Variants in HSD11B1 observed in about 807,000 individuals in gnomAD.
HSD11B1 encodes the protein 11-beta-hydroxysteroid dehydrogenase 1.
HSD11B1 carries 15 observed loss-of-function variants against 22.1 expected under a neutral mutation model. The observed-to-expected ratio is 0.68, with a 90% confidence interval of 0.45 to 1.04. The LOEUF (loss-of-function observed/expected upper bound fraction) is 1.04. Ranked by LOEUF, HSD11B1 falls within the 50% of genes least tolerant of loss-of-function variation. HSD11B1 has a pLI of 0.00. For missense variants in HSD11B1, 281 were observed against 357.6 expected (o/e 0.79, Z 1.73); for synonymous variants, 122 against 125.2 (o/e 0.97, Z 0.17).
At chr1:209,729,156 C>G (rs1159057192) in intron 4 of HSD11B1, among the ~76,000 whole-genome samples, 1 of 152,070 alleles carries the variant, frequency 6.6e-6, no homozygotes. Context: ...ATCAGGAGTT[C>G]AAGACCAGCC....
upstream of HSD11B1, among the ~76,000 whole-genome samples, chr1:209,704,296 A>AT (rs748276418): frequency 2.0e-5 from 3 of 151,970 alleles, no homozygotes; most frequent in Non-Finnish European, 4.4e-5. Context: ...CTGGCTTGCA[A>AT]TTTCTCCTTT....
intron 4 of HSD11B1, among the ~76,000 whole-genome samples, chr1:209,713,002 T>A (rs1183932452): frequency 6.6e-6 from 1 of 152,026 alleles, no homozygotes; most frequent in Non-Finnish European, 1.5e-5. Context: ...TGAGCCGAGA[T>A]CGCACCACTG....
At chr1:209,714,543 G>A (rs536789886) in intron 4 of HSD11B1, among the ~76,000 whole-genome samples, 1 of 152,280 alleles carries the variant, frequency 6.6e-6, no homozygotes, top group South Asian at 2.1e-4. Context: ...TCCTTAAACT[G>A]TGTTGGAGAC....
At chr1:209,711,929 C>T (rs1020260236) in intron 4 of HSD11B1, among the ~76,000 whole-genome samples, 1 of 152,088 alleles carries the variant, frequency 6.6e-6, no homozygotes, top group African/African-American at 2.4e-5. Context: ...TAATATAATG[C>T]TACCCGTAAT....
intron 4 of HSD11B1, among the ~76,000 whole-genome samples, chr1:209,711,032 C>T (rs1391779841): frequency 1.3e-5 from 2 of 152,172 alleles, no homozygotes; most frequent in African/African-American, 4.8e-5. Flanking sequence ...AGACAGTGCT[C>T]TGTGGGAAAA....
chr1:209,713,742 T>TA (rs758519044), intron 4 of HSD11B1, among the ~76,000 whole-genome samples: 1 of 152,332 alleles, frequency 6.6e-6, no homozygotes, highest in Non-Finnish European at 1.5e-5. Context: ...AAATGCTATG[T>TA]AAATAGCTGT....
intron 2 of HSD11B1, 57 bp downstream of exon 2, chr1:209,705,998 T>C (rs767757216): frequency 1.2e-6 from 2 of 1,605,216 alleles, no homozygotes; most frequent in South Asian, 1.1e-5. Context: ...TGTGTTCTTA[T>C]ATATGCTCAC....
At chr1:209,729,207 A>C (rs1397353247) in intron 4 of HSD11B1, among the ~76,000 whole-genome samples, 1 of 152,080 alleles carries the variant, frequency 6.6e-6, no homozygotes, top group Non-Finnish European at 1.5e-5. Flanking sequence ...AAAAATACAA[A>C]AATTAGCCAG....
rs562906692 is a variant in HSD11B1, at chr1:209,721,910, G to A, written c.518-10526G>A. 1.6e-4 allele frequency among the ~76,000 whole-genome samples: 25 copies of A among 152,244 alleles called. 1 individual carries two copies. The South Asian group carries it at 3.9e-3, about 24-fold the overall frequency. On this transcript the variant is annotated intron_variant, in intron 4 of 5. Transcript: ENST00000367027. ...TCAAATTCCAGTCCCTGAACTCCAG[G>A]GGACATATTAAAAGTTCTCCAAATA... is the stretch of plus-strand genomic sequence containing the variant.
At chr1:209,689,665 C>G (rs1159071580) in intron 1 of HSD11B1, among the ~76,000 whole-genome samples, 2 of 152,188 alleles carry the variant, frequency 1.3e-5, no homozygotes, top group Non-Finnish European at 2.9e-5. Context: ...CCCTCCCACC[C>G]CTCTCTTGCC....
At chr1:209,728,084 A>T (rs1277972889) in intron 4 of HSD11B1, among the ~76,000 whole-genome samples, 1 of 152,234 alleles carries the variant, frequency 6.6e-6, no homozygotes, top group East Asian at 1.9e-4. Context: ...CATTTCTAGT[A>T]CACTGTAGCT....
intron 4 of HSD11B1, among the ~76,000 whole-genome samples, chr1:209,722,994 G>A (rs1445030884): frequency 2.0e-5 from 3 of 152,144 alleles, no homozygotes; most frequent in Non-Finnish European, 4.4e-5. Context: ...TCAGTGCATG[G>A]CTTCTTTGCC....
intron 1 of HSD11B1, among the ~76,000 whole-genome samples, chr1:209,687,330 C>T (rs1289104915): frequency 4.6e-5 from 7 of 152,070 alleles, no homozygotes; most frequent in Non-Finnish European, 7.3e-5. Context: ...TCATCAGAGT[C>T]GGAAGCTGAA....
chr1:209,696,503 G>A (rs773648547), intron 1 of HSD11B1, among the ~76,000 whole-genome samples: 28 of 152,122 alleles, frequency 1.8e-4, no homozygotes, highest in Non-Finnish European at 3.2e-4. Context: ...AGGAAATAGA[G>A]ACTTTTAAGA....
At chr1:209,717,232 G>A (rs2076935769) in intron 4 of HSD11B1, among the ~76,000 whole-genome samples, 1 of 151,996 alleles carries the variant, frequency 6.6e-6, no homozygotes, top group Non-Finnish European at 1.5e-5. Context: ...TTTTAAAAAT[G>A]GGCAAAAGAC....
chr1:209,734,422 C>T lies in HSD11B1; in HGVS notation c.780C>T (p.Ser260=). The change falls in exon 6 of 6, where the codon AGC becomes AGT. Residue 260 remains serine, a synonymous_variant. Transcript: ENST00000367027. The part of the protein sequence containing the change: ...ALRQEEVYYD[S]SLWTTLLIRN... Reference sequence around the variant, plus strand: ...GCCAAGAAGAAGTGTATTATGACAGCTCACTCTGGACCACTCTTCTGATCA... The same window carrying T: ...GCCAAGAAGAAGTGTATTATGACAGTTCACTCTGGACCACTCTTCTGATCA... 6.2e-7 allele frequency: 1 copy of T among 1,614,106 alleles called. No homozygotes were observed. Among genetic ancestry groups the T allele is most frequent in the Non-Finnish European group, 8.5e-7 (1 of 1,179,966 alleles).
intron 1 of HSD11B1, among the ~76,000 whole-genome samples, chr1:209,690,525 C>T (rs1315158474): frequency 6.6e-6 from 1 of 151,970 alleles, no homozygotes; most frequent in Non-Finnish European, 1.5e-5. Flanking sequence ...AGTGAAACCC[C>T]ATCTCTACTA....
intron 1 of HSD11B1, among the ~76,000 whole-genome samples, chr1:209,690,384 C>G (rs570496967): frequency 1.2e-4 from 18 of 152,098 alleles, no homozygotes; most frequent in African/African-American, 3.9e-4. Flanking sequence ...TAAATGAAAG[C>G]GCAATTGGAC....
intron 4 of HSD11B1, among the ~76,000 whole-genome samples, chr1:209,709,609 G>A (rs114625574): frequency 5.6e-4 from 85 of 152,288 alleles, no homozygotes; most frequent in African/African-American, 1.9e-3. Flanking sequence ...AGGCTGTCCA[G>A]GAGGCCTTCT....
Sources: allele counts gnomAD v4.1 joint callset (sites outside exome capture counted in the v4.1 genomes callset), GRCh38; gene constraint gnomAD v4.1.1; transcripts MANE v1.5; gene names NCBI Gene and HGNC (gene_info 2026-07-23, HGNC 2026-07-21).